TENM3: variants seen among roughly 807,000 people sequenced by gnomAD.
TENM3 encodes teneurin transmembrane protein 3, also known as teneurin-3.
In TENM3, 63 loss-of-function variants were observed where a neutral mutation model predicts 255.1. The ratio of observed to expected loss-of-function variants is 0.25; its 90% CI spans 0.20 to 0.30. The LOEUF (loss-of-function observed/expected upper bound fraction) is 0.30. TENM3 is among the 10% of genes least tolerant of loss of function. The probability of loss-of-function intolerance (pLI) is 1.00; values close to 1 mark genes in which losing one functional copy is unlikely to be tolerated. For synonymous variants in TENM3, 1,306 were observed against 1,322.3 expected (o/e 0.99, Z 0.27); for missense variants, 2,929 against 3,461.1 (o/e 0.85, Z 3.86).
rs777298060 is a variant in TENM3 at position 182,800,083 on chromosome 4, T to C, written c.7832T>C (p.Met2611Thr). 3.8e-6 allele frequency: 6 copies of C among 1,598,834 alleles called. No homozygotes were observed. The Admixed American group carries it at 8.5e-5, about 23-fold the overall frequency. ...CTGGCGCTGCACGTGCGCTACGGCATGACCCTGGACGAGGAGAAGGCGCGC... is the reference window on the plus strand; with the variant it reads ...CTGGCGCTGCACGTGCGCTACGGCACGACCCTGGACGAGGAGAAGGCGCGC... Reference protein sequence around the residue: ...GALALHVRYGMTLDEEKARIL... With the variant: ...GALALHVRYGTTLDEEKARIL... The change falls in exon 28 of 28, where the codon ATG becomes ACG. Residue 2611 changes from methionine (M) to threonine (T), a missense_variant. Met to Thr is a moderately conservative substitution (Grantham distance 81). This residue lies in a region of TENM3 where 476 missense variants were observed against 480.1 expected (regional missense o/e 0.99). Transcript: ENST00000511685.
chr4:182,799,456 G>C lies in TENM3; in HGVS notation c.7345-140G>C. 1 of 1,073,280 alleles carries C rather than the reference G, an allele frequency of 9.3e-7. No individual in the cohort carries two copies. The highest frequency in any genetic ancestry group is 1.3e-6 in the Non-Finnish European group (1 of 772,588). 66.5% of individuals were successfully genotyped at this position (1,073,280 alleles called of 1,614,324 possible). On this transcript the variant is annotated intron_variant, in intron 27 of 27. Coordinates refer to ENST00000511685, the MANE Select transcript of TENM3 (RefSeq NM_001080477.4). This position sits in a 1 kb window ranked among gnomAD's most constrained non-coding sequence, Gnocchi z 4.2. The stretch of plus-strand genomic sequence containing the variant: ...GATCTCGAGTGCTCCCTCCACCCGG[G>C]CTGTCAGCCTTCTGGTCAGGGAAGG...
At chr4:181,836,699 C>A in the TENM3 span, among the ~76,000 whole-genome samples, 7 of 152,168 alleles carry the variant, frequency 4.6e-5, no homozygotes, top group African/African-American at 1.7e-4. Flanking sequence ...AAAGCCAGTG[C>A]CCTCCCATAC....
chr4:182,216,136 G>A (rs1218253735), intron 1 of TENM3, among the ~76,000 whole-genome samples: 1 of 152,212 alleles, frequency 6.6e-6, no homozygotes, highest in African/African-American at 2.4e-5. Context: ...CCAACTGTCT[G>A]TCTTTGTATT....
At chr4:182,251,349 T>C (rs1758000162) in intron 1 of TENM3, among the ~76,000 whole-genome samples, 1 of 152,068 alleles carries the variant, frequency 6.6e-6, no homozygotes, top group Non-Finnish European at 1.5e-5. Context: ...GTGCCCGTAG[T>C]CCTGGCTACG....
the TENM3 span, among the ~76,000 whole-genome samples, chr4:181,489,080 G>T: frequency 6.6e-6 from 1 of 152,074 alleles, no homozygotes; most frequent in Non-Finnish European, 1.5e-5. Flanking sequence ...AAATTGGCAG[G>T]GTGCTGAGAA....
chr4:182,224,035 A>G lies in TENM3; in HGVS notation c.-76+79281A>G, dbSNP rs188923478. 1.6e-3 allele frequency among the ~76,000 whole-genome samples: 250 copies of G among 152,344 alleles called. 1 individual carries two copies. Among genetic ancestry groups the G allele is most frequent in the African/African-American group, 5.3e-3 (221 of 41,580 alleles). Reference sequence around the variant, plus strand: ...AAACTTGAATTTCTGAAAAATGATTATGGTGTGGCTTATTTTATGTACCCC... The same window carrying G: ...AAACTTGAATTTCTGAAAAATGATTGTGGTGTGGCTTATTTTATGTACCCC... On this transcript the variant is annotated intron_variant, in intron 1 of 2. Coordinates refer to the TENM3 transcript ENST00000512480.
At chr4:182,515,569 C>T (rs576460476) in intron 3 of TENM3, among the ~76,000 whole-genome samples, 79 of 152,182 alleles carry the variant, frequency 5.2e-4, no homozygotes, top group Non-Finnish European at 9.1e-4. Context: ...TACATATGTA[C>T]ACAATATGTA....
chr4:182,502,943 C>G (rs1354247012), intron 3 of TENM3, among the ~76,000 whole-genome samples: 1 of 126,120 alleles, frequency 7.9e-6, no homozygotes. Flanking sequence ...TTTTACTTAC[C>G]TGCATATGTC....
chr4:181,492,892 C>A, the TENM3 span, among the ~76,000 whole-genome samples: 66 of 152,034 alleles, frequency 4.3e-4, 1 homozygote, highest in African/African-American at 1.5e-3. Context: ...CTTTTTAATT[C>A]TATGTATGCC....
the TENM3 span, among the ~76,000 whole-genome samples, chr4:181,468,188 A>G: frequency 6.6e-6 from 1 of 151,438 alleles, no homozygotes; most frequent in Admixed American, 6.6e-5. Flanking sequence ...GCTACTCAGG[A>G]GGCTTAGCCT....
chr4:181,769,638 A>C, the TENM3 span, among the ~76,000 whole-genome samples: 1 of 152,368 alleles, frequency 6.6e-6, no homozygotes, highest in African/African-American at 2.4e-5. Context: ...ATTCATATCC[A>C]GGTACAAATA....
chr4:182,257,291 G>A lies in TENM3; in HGVS notation c.-76+13815G>A, dbSNP rs1045791845. On this transcript the variant is annotated intron_variant, in intron 1 of 27. Coordinates refer to ENST00000511685, the MANE Select transcript of TENM3 (RefSeq NM_001080477.4). ...GTAATGTCTGCATTCACGTGTAACA[G>A]ATATACATATGTGTGTGTGTTTGTG... is the stretch of plus-strand genomic sequence containing the variant. Among the ~76,000 whole-genome samples the A allele has an allele frequency of 3.3e-5, 5 of 152,276 alleles. No individual in the cohort carries two copies. In the East Asian group the frequency reaches 9.7e-4, roughly 29 times the overall value.
intron 12 of TENM3, among the ~76,000 whole-genome samples, chr4:182,710,600 T>A (rs1445292863): frequency 6.6e-6 from 1 of 152,194 alleles, no homozygotes; most frequent in Admixed American, 6.5e-5. Flanking sequence ...TACTGTTTTG[T>A]TTACACACAT....
chr4:182,474,044 G>C (rs1239158807), intron 3 of TENM3, among the ~76,000 whole-genome samples: 2 of 152,126 alleles, frequency 1.3e-5, no homozygotes, highest in Non-Finnish European at 2.9e-5. Context: ...ATTGTTCGTG[G>C]CTCTTTGATT....
At chr4:182,255,026 G>A (rs1293763394) in intron 1 of TENM3, among the ~76,000 whole-genome samples, 2 of 152,174 alleles carry the variant, frequency 1.3e-5, no homozygotes, top group East Asian at 1.9e-4. Context: ...CTCATTTAAC[G>A]AAAGACTGGT....
chr4:181,458,230 C>G, the TENM3 span, among the ~76,000 whole-genome samples: 1 of 151,886 alleles, frequency 6.6e-6, no homozygotes, highest in African/African-American at 2.4e-5. Flanking sequence ...AAGGAAAGTA[C>G]TATGTCTTAA....
At chr4:182,706,124 G>A (rs916062033) in intron 12 of TENM3, among the ~76,000 whole-genome samples, 1 of 152,180 alleles carries the variant, frequency 6.6e-6, no homozygotes, top group Non-Finnish European at 1.5e-5. Flanking sequence ...TCTATAAACA[G>A]ATGATGCTTC....
intron 5 of TENM3, among the ~76,000 whole-genome samples, chr4:182,649,957 C>T (rs889401014): frequency 2.0e-5 from 3 of 150,408 alleles, no homozygotes; most frequent in Admixed American, 6.6e-5. Context: ...ATCAGAAGGT[C>T]GGGGTTTGAG....
At chr4:181,485,228 TA>T in the TENM3 span, among the ~76,000 whole-genome samples, 1 of 152,186 alleles carries the variant, frequency 6.6e-6, no homozygotes, top group Non-Finnish European at 1.5e-5. Context: ...TTTTAGCTAA[TA>T]TTTTTCCTAA....
Sources: allele counts gnomAD v4.1 joint callset (sites outside exome capture counted in the v4.1 genomes callset), GRCh38; gene constraint gnomAD v4.1.1; regional missense constraint gnomAD v4.1.1; non-coding constraint Gnocchi (gnomAD v3.1); transcripts MANE v1.5; gene names NCBI Gene and HGNC (gene_info 2026-07-23, HGNC 2026-07-21).